Variants in EPG5 observed in about 807,000 individuals in gnomAD.
EPG5 encodes the protein ectopic P granules protein 5 homolog.
Under a neutral mutation model 302.7 loss-of-function variants are expected in EPG5, and 159 were observed. That is an observed-to-expected ratio of 0.53 (90% confidence interval 0.46 to 0.60). The LOEUF (loss-of-function observed/expected upper bound fraction) is 0.60, where lower values mean the gene tolerates loss of function less well. EPG5 is among the 20% of genes least tolerant of loss of function. EPG5 has a pLI of 0.00. For synonymous variants in EPG5, 1,158 were observed against 1,136.8 expected (o/e 1.02, Z -0.37); for missense variants, 2,896 against 3,092.4 (o/e 0.94, Z 1.51).
intron 31 of EPG5, among the ~76,000 whole-genome samples, chr18:45,881,475 G>A (rs2049096191): frequency 6.6e-6 from 1 of 152,156 alleles, no homozygotes; most frequent in Non-Finnish European, 1.5e-5. Context: ...TGGGCAACCC[G>A]ATACACTGGA....
At chr18:45,940,313 C>T (rs568430241) in intron 9 of EPG5, among the ~76,000 whole-genome samples, 116 of 151,892 alleles carry the variant, frequency 7.6e-4, no homozygotes, top group African/African-American at 2.8e-3. Flanking sequence ...TCGTGAGGGG[C>T]CCTGCAGGCC....
intron 26 of EPG5, among the ~76,000 whole-genome samples, chr18:45,899,862 T>A (rs2049567084): frequency 6.6e-6 from 1 of 152,218 alleles, no homozygotes; most frequent in African/African-American, 2.4e-5. Context: ...CAAGAACAAC[T>A]GAGAATTCTA....
the EPG5 span, chr18:45,840,340 G>A: frequency 7.3e-7 from 1 of 1,362,732 alleles, no homozygotes; most frequent in Non-Finnish European, 1.0e-6. Context: ...GCAAAGGGCT[G>A]GGGCTGGGGT....
rs371828461 is a variant in EPG5 at position 45,873,335 on chromosome 18, C to A, written c.6050-2593G>T. 2.6e-5 allele frequency among the ~76,000 whole-genome samples: 4 copies of A among 152,172 alleles called. No individual in the cohort carries two copies. The East Asian group carries it at 5.8e-4, about 22-fold the overall frequency. ...AACCAGCCTGGCCAATATGGTGAAA[C>A]CACGTCTCTACTAAAAATACAAAAA... On this transcript the variant is annotated intron_variant, in intron 35 of 43. Coordinates refer to ENST00000282041, the MANE Select transcript of EPG5 (RefSeq NM_020964.3).
the EPG5 span, among the ~76,000 whole-genome samples, chr18:45,840,397 C>A: frequency 6.6e-6 from 1 of 152,108 alleles, no homozygotes; most frequent in African/African-American, 2.4e-5. Flanking sequence ...CACCAAGGCA[C>A]CCCTCTTGCA....
At chr18:45,805,313 G>A in the EPG5 span, among the ~76,000 whole-genome samples, 1 of 151,622 alleles carries the variant, frequency 6.6e-6, no homozygotes, top group Non-Finnish European at 1.5e-5. Flanking sequence ...CTGTGATAAT[G>A]TAAGATGTTA....
At chr18:45,821,971 C>T in the EPG5 span, among the ~76,000 whole-genome samples, 2 of 152,206 alleles carry the variant, frequency 1.3e-5, no homozygotes, top group East Asian at 1.9e-4. Context: ...TATAGTGAAG[C>T]CACTATAGAG....
At chr18:45,924,455 A>G (rs1445016220) in intron 14 of EPG5, among the ~76,000 whole-genome samples, 1 of 152,346 alleles carries the variant, frequency 6.6e-6, no homozygotes, top group Admixed American at 6.5e-5. Flanking sequence ...CAGTTTCCTC[A>G]TCTGCACAAC....
chr18:45,898,567 G>C (rs1016355600), intron 27 of EPG5, among the ~76,000 whole-genome samples: 1 of 152,136 alleles, frequency 6.6e-6, no homozygotes, highest in East Asian at 1.9e-4. Context: ...TCACATTGTT[G>C]CATGTCTCTC....
At position 45,928,954 on chromosome 18, in the gene EPG5, A is replaced by C. The variant is rs368314420; in HGVS notation, c.2468T>G (p.Leu823Arg). 5.0e-5 allele frequency: 80 copies of C among 1,613,890 alleles called. No homozygotes were observed. Among genetic ancestry groups the C allele is most frequent in the South Asian group, 2.2e-4 (20 of 91,072 alleles). Residue 823 changes from leucine (L) to arginine (R), a missense_variant, in exon 13 of 44, where the codon CTT becomes CGT. Coordinates refer to ENST00000282041, the MANE Select transcript of EPG5 (RefSeq NM_020964.3). Reference protein sequence around the residue: ...RETFSKVGRELLGTITAVHPE... With the variant: ...RETFSKVGRERLGTITAVHPE... Reference sequence around the variant, plus strand: ...GTGAACAGCTGTGATAGTCCCTAAAAGCTCTCGACCAACCTTTGAAAAAGT... The same window carrying C: ...GTGAACAGCTGTGATAGTCCCTAAACGCTCTCGACCAACCTTTGAAAAAGT...
At chr18:45,896,805 C>T (rs959472321) in intron 27 of EPG5, among the ~76,000 whole-genome samples, 2 of 152,172 alleles carry the variant, frequency 1.3e-5, no homozygotes, top group African/African-American at 4.8e-5. Context: ...CCTCAACCTC[C>T]CAAAGTGCTA....
intron 5 of EPG5, 38 bp downstream of exon 5, chr18:45,949,445 TC>T: frequency 7.9e-7 from 1 of 1,263,432 alleles, no homozygotes; most frequent in Non-Finnish European, 1.1e-6. Flanking sequence ...ATAAAACCTC[TC>T]CCCCAACCCC....
intron 11 of EPG5, among the ~76,000 whole-genome samples, chr18:45,934,142 A>G (rs11082499): frequency 0.1 from 15,364 of 151,982 alleles, 1,197 homozygotes; most frequent in East Asian, 0.29. Flanking sequence ...TACAAAAAAT[A>G]GCCAGGCGTG....
intron 14 of EPG5, 38 bp downstream of exon 14, chr18:45,925,700 A>ACAACCTCCAGTCTC: frequency 7.1e-7 from 1 of 1,405,782 alleles, no homozygotes; most frequent in Non-Finnish European, 9.3e-7. Context: ...AGATGCATGT[A>ACAACCTCCAGTCTC]CAACCTCCAG....
Position 45,910,690 on chromosome 18 carries a change from T to C in EPG5, c.4036A>G (p.Ile1346Val). ...GRRFFQSPAH[I>V]NLLKEMKRRL... ...CTCTTCATTTCTTTCAACAAATTGA[T>C]ATGAGCAGGACTTTGAAAAAACCTT... The change falls in exon 23 of 44, where the codon ATC (isoleucine) becomes GTC (valine). Residue 1346 changes from isoleucine to valine, a missense_variant. Ile to Val is a conservative substitution (Grantham distance 29, BLOSUM62 3). This residue lies in a region of EPG5 where 790 missense variants were observed against 798.0 expected (regional missense o/e 0.99). Coordinates refer to ENST00000282041, the MANE Select transcript of EPG5 (RefSeq NM_020964.3). The C allele has an allele frequency of 6.2e-7, 1 of 1,614,170 alleles. No homozygotes were observed. Among genetic ancestry groups the C allele is most frequent in the South Asian group, 1.1e-5 (1 of 91,082 alleles).
Position 45,912,271 on chromosome 18 carries a change from A to C in EPG5, c.3983+19T>G. On this transcript the variant is annotated intron_variant, in intron 22 of 43. Transcript: ENST00000282041. ...GGCAGAAATGGACTCACAGAAACCT[A>C]CAATACTGGGCAGCATACCCATACT... 1 of 1,552,082 alleles carries C rather than the reference A, an allele frequency of 6.4e-7. No homozygotes were observed. Among genetic ancestry groups the C allele is most frequent in the Non-Finnish European group, 8.7e-7 (1 of 1,152,446 alleles).
At chr18:45,839,138 G>C in the EPG5 span, 3 of 1,355,060 alleles carry the variant, frequency 2.2e-6, no homozygotes, top group Non-Finnish European at 2.8e-6. Context: ...GGGCCGGGCC[G>C]GGGCTCTCTG....
chr18:45,886,377 G>A (rs1176766883), intron 29 of EPG5, among the ~76,000 whole-genome samples: 1 of 152,116 alleles, frequency 6.6e-6, no homozygotes, highest in Non-Finnish European at 1.5e-5. Context: ...TCATGATATA[G>A]GTCTGTATTT....
the EPG5 span, chr18:45,837,628 G>C: frequency 6.6e-7 from 1 of 1,507,766 alleles, no homozygotes; most frequent in Non-Finnish European, 8.8e-7. Flanking sequence ...ACGACGGGCC[G>C]CTGACGGCCA....
Sources: allele counts gnomAD v4.1 joint callset (sites outside exome capture counted in the v4.1 genomes callset), GRCh38; gene constraint gnomAD v4.1.1; regional missense constraint gnomAD v4.1.1; transcripts MANE v1.5; gene names NCBI Gene and HGNC (gene_info 2026-07-23, HGNC 2026-07-21).